Variants in WWOX observed in about 807,000 individuals in gnomAD.
The protein encoded by WWOX is WW domain containing oxidoreductase.
WWOX carries 69 observed loss-of-function variants against 46.2 expected under a neutral mutation model. The ratio of observed to expected loss-of-function variants is 1.49; its 90% CI spans 1.23 to 1.82. WWOX has a LOEUF of 1.82. Ranked by LOEUF, WWOX falls within the 40% of genes most tolerant of loss-of-function variation. The pLI is 0.00. For missense variants in WWOX, 919 were observed against 542.6 expected (o/e 1.69, Z -6.89); for synonymous variants, 359 against 202.6 (o/e 1.77, Z -6.56).
chr16:79,143,774 G>C (rs1567579516), intron 8 of WWOX, among the ~76,000 whole-genome samples: 1 of 152,120 alleles, frequency 6.6e-6, no homozygotes, highest in Non-Finnish European at 1.5e-5. Context: ...GCACAGAGGT[G>C]TTAAGTAAGT....
chr16:78,102,168 C>T (rs902512673), intron 1 of WWOX, among the ~76,000 whole-genome samples: 3 of 152,280 alleles, frequency 2.0e-5, no homozygotes, highest in African/African-American at 4.8e-5. Flanking sequence ...CAGCCTCCCT[C>T]CCGAAGCACT....
intron 6 of WWOX, among the ~76,000 whole-genome samples, chr16:78,424,308 TG>T (rs1302094171): frequency 1.3e-5 from 2 of 151,994 alleles, no homozygotes; most frequent in Non-Finnish European, 2.9e-5. Context: ...TTGACAGAGA[TG>T]GGGTTTCACC....
intron 8 of WWOX, chr16:78,551,236 G>T (rs1162432568): frequency 6.6e-6 from 1 of 152,140 alleles, no homozygotes; most frequent in Non-Finnish European, 1.5e-5. Context: ...ACTGATTTTT[G>T]AAGAAACCTA....
intron 5 of WWOX, among the ~76,000 whole-genome samples, chr16:78,188,615 G>C (rs1477688363): frequency 6.6e-6 from 1 of 152,002 alleles, no homozygotes; most frequent in East Asian, 1.9e-4. Flanking sequence ...TCATTTAGAA[G>C]TTTCGAGACG....
At chr16:78,274,146 A>T (rs1301393772) in intron 5 of WWOX, among the ~76,000 whole-genome samples, 2 of 152,062 alleles carry the variant, frequency 1.3e-5, no homozygotes, top group African/African-American at 4.8e-5. Flanking sequence ...GGTCTCCCCA[A>T]ACACTGCTTG....
At chr16:79,090,099 G>A (rs2048927484) in intron 8 of WWOX, 1 of 151,824 alleles carries the variant, frequency 6.6e-6, no homozygotes, top group African/African-American at 2.4e-5. Flanking sequence ...AGTGTGTGTG[G>A]AAAAAAGGGG....
chr16:78,773,478 G>GC (rs2050116719), intron 8 of WWOX, among the ~76,000 whole-genome samples: 1 of 152,238 alleles, frequency 6.6e-6, no homozygotes, highest in Admixed American at 6.5e-5. Context: ...GAGGCGGGCA[G>GC]CAGGGTACTT....
intron 5 of WWOX, among the ~76,000 whole-genome samples, chr16:78,178,593 C>T (rs766882946): frequency 8.5e-5 from 13 of 152,256 alleles, no homozygotes; most frequent in South Asian, 2.1e-4. Context: ...AGGCCAGGTG[C>T]GGTGGCTCAC....
intron 8 of WWOX, among the ~76,000 whole-genome samples, chr16:78,818,720 G>A (rs2051411546): frequency 6.6e-6 from 1 of 152,184 alleles, no homozygotes; most frequent in South Asian, 2.1e-4. Context: ...TTTGAGTGCT[G>A]CCTCTACCAT....
At chr16:78,599,860 T>A (rs1439202062) in intron 8 of WWOX, among the ~76,000 whole-genome samples, 1 of 152,006 alleles carries the variant, frequency 6.6e-6, no homozygotes. Flanking sequence ...GACAGTGAGC[T>A]CTCTAAATGA....
At position 79,211,588 on chromosome 16, in the gene WWOX, C is replaced by G. The variant is rs1164075619; in HGVS notation, c.1057-20C>G. 7 of 1,613,632 alleles carry G rather than the reference C, an allele frequency of 4.3e-6. No homozygotes were observed. The South Asian group carries it at 4.4e-5, about 10-fold the overall frequency. On this transcript the variant is annotated intron_variant, in intron 8 of 8. Transcript: ENST00000566780. ...TCCTTTTCTTAAAATTTTTTTTTGTCTTTCTTCTTGGATTTCCAGCAACAG... is the reference window on the plus strand; with the variant it reads ...TCCTTTTCTTAAAATTTTTTTTTGTGTTTCTTCTTGGATTTCCAGCAACAG...
intron 5 of WWOX, among the ~76,000 whole-genome samples, chr16:78,385,042 G>C (rs911905190): frequency 6.6e-6 from 1 of 152,176 alleles, no homozygotes. Flanking sequence ...GCTGAGGCAG[G>C]AGAATCGCTT....
At chr16:78,433,246 C>G in intron 8 of WWOX, among the ~76,000 whole-genome samples, 1 of 151,980 alleles carries the variant, frequency 6.6e-6, no homozygotes. Context: ...GTTGGAGAGT[C>G]CTTTGATAGC....
rs1043724910 is a variant in WWOX, at chr16:78,416,188, C to T, written c.606-8682C>T. On this transcript the variant is annotated intron_variant, in intron 6 of 8. Transcript: ENST00000566780. ...GATACTATTTTTGTTTCCATTCTGT[C>T]TTTATAGTTTGAACTTTTCCTTTTC... is the stretch of plus-strand genomic sequence containing the variant. 2.6e-5 allele frequency among the ~76,000 whole-genome samples: 4 copies of T among 152,158 alleles called. No homozygotes were observed. In the South Asian group the frequency reaches 8.3e-4, roughly 31 times the overall value.
intron 7 of WWOX, among the ~76,000 whole-genome samples, chr16:78,428,674 G>T (rs1382944675): frequency 6.6e-6 from 1 of 152,140 alleles, no homozygotes; most frequent in Non-Finnish European, 1.5e-5. Flanking sequence ...ATACTTCTGT[G>T]TTATCCTTAA....
chr16:78,438,758 G>C (rs552016168), intron 8 of WWOX, among the ~76,000 whole-genome samples: 1 of 152,126 alleles, frequency 6.6e-6, no homozygotes, highest in Non-Finnish European at 1.5e-5. Flanking sequence ...TACGTTTCCT[G>C]TGCCCGTGTA....
chr16:78,521,149 C>A (rs547635979), intron 8 of WWOX, among the ~76,000 whole-genome samples: 2 of 152,176 alleles, frequency 1.3e-5, no homozygotes, highest in Admixed American at 6.5e-5. Context: ...TAACTTAATT[C>A]TTCATTCCAG....
intron 8 of WWOX, among the ~76,000 whole-genome samples, chr16:78,704,122 G>A (rs1207849085): frequency 2.0e-5 from 3 of 151,900 alleles, no homozygotes; most frequent in Admixed American, 2.0e-4. Context: ...TGGTGGAAAG[G>A]GGCAGGCTGT....
intron 8 of WWOX, among the ~76,000 whole-genome samples, chr16:78,747,342 C>A (rs112392157): frequency 1.3e-5 from 2 of 151,976 alleles, no homozygotes; most frequent in Non-Finnish European, 2.9e-5. Flanking sequence ...CAGGCATCTG[C>A]GACCACACCT....
Sources: allele counts gnomAD v4.1 joint callset (sites outside exome capture counted in the v4.1 genomes callset), GRCh38; gene constraint gnomAD v4.1.1; transcripts MANE v1.5; gene names NCBI Gene and HGNC (gene_info 2026-07-23, HGNC 2026-07-21).